Variants in AKR1E2 observed in about 807,000 individuals in gnomAD.
AKR1E2 encodes 1,5-anhydro-D-fructose reductase.
AKR1E2 carries 43 observed loss-of-function variants against 41.9 expected under a neutral mutation model. The ratio of observed to expected loss-of-function variants is 1.03; its 90% CI spans 0.80 to 1.32. The LOEUF (loss-of-function observed/expected upper bound fraction) is 1.32. Among genes scored for constraint, AKR1E2 ranks in the 40% most tolerant of loss-of-function variants. The probability of loss-of-function intolerance (pLI) is 0.00; values close to 1 mark genes in which losing one functional copy is unlikely to be tolerated. For missense variants in AKR1E2, 423 were observed against 396.5 expected (o/e 1.07, Z -0.57); for synonymous variants, 121 against 138.9 (o/e 0.87, Z 0.91).
intron 5 of AKR1E2, 24 bp from the exon 6 acceptor site, chr10:4,839,705 A>C: frequency 6.2e-7 from 1 of 1,600,820 alleles, no homozygotes; most frequent in Non-Finnish European, 8.6e-7. Flanking sequence ...TCTGAATTTT[A>C]TGTAAGCTAT....
At chr10:4,854,496 G>T in the AKR1E2 span, among the ~76,000 whole-genome samples, 1 of 152,152 alleles carries the variant, frequency 6.6e-6, no homozygotes, top group South Asian at 2.1e-4. Context: ...TCTTCTTCCA[G>T]ACCCTTTGCT....
chr10:4,833,536 C>T (rs184623999), intron 3 of AKR1E2, 70 bp downstream of exon 3: 62 of 1,328,294 alleles, frequency 4.7e-5, no homozygotes, highest in Admixed American at 4.1e-4. Flanking sequence ...CCCTGTCTTG[C>T]GGTGGGGAGA....
At chr10:4,849,767 C>T (rs1248983506), downstream of AKR1E2, among the ~76,000 whole-genome samples, 4 of 152,156 alleles carry the variant, frequency 2.6e-5, no homozygotes, top group Non-Finnish European at 4.4e-5. Flanking sequence ...GGATCCACTA[C>T]GTTATTTGCA....
the AKR1E2 span, among the ~76,000 whole-genome samples, chr10:4,856,889 C>A: frequency 6.6e-6 from 1 of 151,218 alleles, no homozygotes; most frequent in Non-Finnish European, 1.5e-5. Context: ...CTCTACTGTT[C>A]GGTGGTATTA....
the AKR1E2 span, among the ~76,000 whole-genome samples, chr10:4,858,039 C>T: frequency 2.5e-3 from 387 of 152,096 alleles, 1 homozygote; most frequent in Non-Finnish European, 3.8e-3. Context: ...GATTCGGTTT[C>T]GTTCTTTTTC....
intron 5 of AKR1E2, 42 bp downstream of exon 5, chr10:4,837,623 G>C (rs924018454): frequency 1.3e-6 from 2 of 1,589,330 alleles, no homozygotes; most frequent in Non-Finnish European, 8.6e-7. Context: ...CTGTGTGGCT[G>C]GTCCCCCAGC....
downstream of AKR1E2, among the ~76,000 whole-genome samples, chr10:4,852,450 C>T (rs989113442): frequency 2.0e-5 from 3 of 151,998 alleles, no homozygotes; most frequent in Admixed American, 6.6e-5. Flanking sequence ...AACTGTGGTG[C>T]GATTAATTCT....
downstream of AKR1E2, among the ~76,000 whole-genome samples, chr10:4,848,329 G>A (rs896671055): frequency 7.2e-5 from 11 of 152,234 alleles, no homozygotes; most frequent in Non-Finnish European, 1.5e-4. Flanking sequence ...CATTCAGCCT[G>A]TTTAGATTCA....
intron 8 of AKR1E2, among the ~76,000 whole-genome samples, chr10:4,842,797 T>C (rs1305511793): frequency 1.3e-5 from 2 of 152,174 alleles, no homozygotes; most frequent in Non-Finnish European, 2.9e-5. Flanking sequence ...GGCTGGAGCA[T>C]GTGCACCAGT....
At chr10:4,845,871 T>C in intron 8 of AKR1E2, 1 of 470,300 alleles carries the variant, frequency 2.1e-6, no homozygotes, top group Non-Finnish European at 4.4e-6. Flanking sequence ...AGTGATCTGA[T>C]GGCTGAGGAC....
At chr10:4,848,240 C>T (rs186196895), downstream of AKR1E2, among the ~76,000 whole-genome samples, 12 of 152,272 alleles carry the variant, frequency 7.9e-5, no homozygotes, top group Non-Finnish European at 7.4e-5. Context: ...GTTTTTAATA[C>T]GGTCTTCTGA....
At chr10:4,862,231 A>G in the AKR1E2 span, among the ~76,000 whole-genome samples, 1 of 152,198 alleles carries the variant, frequency 6.6e-6, no homozygotes, top group Admixed American at 6.5e-5. Flanking sequence ...GTCAAAGATC[A>G]GATAGTTGTA....
intron 8 of AKR1E2, 106 bp from the exon 9 acceptor site, chr10:4,847,042 A>G: frequency 6.5e-6 from 8 of 1,230,944 alleles, no homozygotes; most frequent in Non-Finnish European, 9.2e-6. Flanking sequence ...TTTGTTTTAC[A>G]TCTTTGTGTC....
the AKR1E2 span, among the ~76,000 whole-genome samples, chr10:4,869,407 C>T: frequency 0.22 from 33,103 of 151,878 alleles, 3,810 homozygotes; most frequent in Middle Eastern, 0.33. Context: ...TAGTCTATAT[C>T]TTCTCTCTTT....
the AKR1E2 span, among the ~76,000 whole-genome samples, chr10:4,857,094 A>C: frequency 6.6e-6 from 1 of 152,140 alleles, no homozygotes; most frequent in African/African-American, 2.4e-5. Context: ...AGAATCACAC[A>C]ATATTTGCCT....
At chr10:4,857,589 C>G in the AKR1E2 span, among the ~76,000 whole-genome samples, 1 of 152,186 alleles carries the variant, frequency 6.6e-6, no homozygotes. Context: ...GTAAATTACC[C>G]AGTCTCAGGT....
At chr10:4,872,543 T>C in the AKR1E2 span, among the ~76,000 whole-genome samples, 1 of 152,198 alleles carries the variant, frequency 6.6e-6, no homozygotes, top group Non-Finnish European at 1.5e-5. Flanking sequence ...TGCCAAGTCA[T>C]TGAATAGTTA....
chr10:4,862,816 A>G, the AKR1E2 span, among the ~76,000 whole-genome samples: 1 of 152,228 alleles, frequency 6.6e-6, no homozygotes, highest in African/African-American at 2.4e-5. Context: ...TTGCAATCCT[A>G]GTCTCTGATA....
intron 1 of AKR1E2, among the ~76,000 whole-genome samples, chr10:4,828,476 T>C (rs931015713): frequency 1.3e-5 from 2 of 152,206 alleles, no homozygotes; most frequent in South Asian, 2.1e-4. Context: ...CCTGCTGTTG[T>C]AGATTTACAG....
Sources: allele counts gnomAD v4.1 joint callset (sites outside exome capture counted in the v4.1 genomes callset), GRCh38; gene constraint gnomAD v4.1.1; transcripts MANE v1.5; gene names NCBI Gene and HGNC (gene_info 2026-07-23, HGNC 2026-07-21).